Variants in SFTA2 observed in about 807,000 individuals in gnomAD.
The protein encoded by SFTA2 is surfactant-associated protein 2.
A neutral mutation model predicts 6.0 loss-of-function variants in SFTA2; 3 were observed. That is an observed-to-expected ratio of 0.50 (90% CI 0.23 to 1.28). The LOEUF (loss-of-function observed/expected upper bound fraction) is 1.28, where lower values mean the gene tolerates loss of function less well. Ranked by LOEUF, SFTA2 falls within the 50% of genes most tolerant of loss-of-function variation. The pLI, the probability that SFTA2 is intolerant of heterozygous loss-of-function variation, is 0.19. For synonymous variants in SFTA2, 40 were observed against 39.3 expected (o/e 1.02, Z -0.07); for missense variants, 87 against 88.5 (o/e 0.98, Z 0.07).
chr6:30,931,594 G>A lies in SFTA2; in HGVS notation c.151-20C>T. 2 of 1,608,504 alleles carry A rather than the reference G, an allele frequency of 1.2e-6. No homozygotes were observed. Among genetic ancestry groups the A allele is most frequent in the Non-Finnish European group, 1.7e-6 (2 of 1,177,154 alleles). ...GCAGAGCTGGGAACAAAGGGTTAAA[G>A]GGCGCCATGTAAGAGAGCTCTCCAT... On this transcript the variant is annotated intron_variant, in intron 2 of 2. Coordinates refer to ENST00000359086, the MANE Select transcript of SFTA2 (RefSeq NM_205854.3).
intron 2 of SFTA2, 39 bp downstream of exon 2, chr6:30,931,668 C>A (rs1410998358): frequency 6.2e-7 from 1 of 1,612,186 alleles, no homozygotes; most frequent in Non-Finnish European, 8.5e-7. Context: ...AACTGACTCA[C>A]AAACACACAG....
chr6:30,931,734 C>G lies in SFTA2; in HGVS notation c.123G>C (p.Glu41Asp). 1 of 1,613,154 alleles carries G rather than the reference C, an allele frequency of 6.2e-7. No individual in the cohort carries two copies. Among genetic ancestry groups the G allele is most frequent in the Middle Eastern group, 1.6e-4 (1 of 6,062 alleles). Reference sequence around the variant, plus strand: ...TTTCAAGCAATTCCAGGAAGCTGGACTCATAGGAGGAATTTGTCAGAAAAG... The same window carrying G: ...TTTCAAGCAATTCCAGGAAGCTGGAGTCATAGGAGGAATTTGTCAGAAAAG... ...KESFLTNSSY[E>D]SSFLELLEKL... Residue 41 changes from glutamate to aspartate, a missense_variant, in exon 2 of 3, where the codon GAG becomes GAC. Coordinates refer to ENST00000359086, the MANE Select transcript of SFTA2 (RefSeq NM_205854.3).
intron 1 of SFTA2, 25 bp from the exon 2 acceptor site, chr6:30,931,820 G>A: frequency 6.2e-7 from 1 of 1,611,810 alleles, no homozygotes; most frequent in Non-Finnish European, 8.5e-7. Flanking sequence ...GTACAGCTTA[G>A]GACCCAGCAG....
chr6:30,932,064 C>G lies in SFTA2; in HGVS notation c.33G>C (p.Leu11Phe), dbSNP rs138539948. 3.3e-5 allele frequency: 54 copies of G among 1,612,446 alleles called. No homozygotes were observed. The highest frequency in any genetic ancestry group is 4.2e-5 in the Non-Finnish European group (50 of 1,179,906). Residue 11 changes from leucine to phenylalanine, a missense_variant, in exon 1 of 3, where the codon TTG (leucine) becomes TTC (phenylalanine). Physicochemically the swap from Leu to Phe is conservative, Grantham distance 22 (BLOSUM62 0). Transcript: ENST00000359086. This position sits in a 1 kb window ranked among gnomAD's most constrained non-coding sequence, Gnocchi z 6.5. The stretch of plus-strand genomic sequence containing the variant: ...TTCCATGTGAGCTGCCAAGGAGGGT[C>G]AAGAGGAGGACAAGGGGCAGCCCAG... MGSGLPLVLL[L>F]TLLGSSHGTG...
intron 1 of SFTA2, 29 bp from the exon 2 acceptor site, chr6:30,931,824 C>G (rs1303842654): frequency 6.2e-7 from 1 of 1,610,876 alleles, no homozygotes; most frequent in Non-Finnish European, 8.5e-7. Flanking sequence ...AGCTTAGGAC[C>G]CAGCAGTCAG....
At chr6:30,931,617 C>T (rs764369908) in intron 2 of SFTA2, 43 bp from the exon 3 acceptor site, 3 of 1,606,946 alleles carry the variant, frequency 1.9e-6, no homozygotes, top group East Asian at 2.2e-5. Flanking sequence ...GAGAGCTCTC[C>T]ATTCCCACCA....
At chr6:30,931,980 T>A in intron 1 of SFTA2, 56 bp downstream of exon 1, 1 of 1,595,784 alleles carries the variant, frequency 6.3e-7, no homozygotes, top group Non-Finnish European at 8.5e-7. Flanking sequence ...TCCCACCCCT[T>A]TTCTCTGGCC....
rs1420191080 is a variant in SFTA2 at position 30,932,170 on chromosome 6, C to A, written c.-74G>T. On this transcript the variant is annotated 5_prime_UTR_variant, in exon 1 of 3. Coordinates refer to ENST00000359086, the MANE Select transcript of SFTA2 (RefSeq NM_205854.3). This position sits in a 1 kb window ranked among gnomAD's most constrained non-coding sequence, Gnocchi z 6.5. ...CCTCTCCTTAACAGGCCTGTTTCTACACCCCACTCAAGCCTTAGCATAAGT... is the reference window on the plus strand; with the variant it reads ...CCTCTCCTTAACAGGCCTGTTTCTAAACCCCACTCAAGCCTTAGCATAAGT... 25 of 1,457,930 alleles carry A rather than the reference C, an allele frequency of 1.7e-5. No homozygotes were observed. Among genetic ancestry groups the A allele is most frequent in the East Asian group, 2.4e-5 (1 of 42,482 alleles). 90.3% of individuals were successfully genotyped at this position (1,457,930 alleles called of 1,614,324 possible).
Position 30,931,576 on chromosome 6 carries a change from T to TG in SFTA2, c.151-3dup, listed in dbSNP as rs1562472082. The TG allele has an allele frequency of 6.2e-7, 1 of 1,609,358 alleles. No homozygotes were observed. Among genetic ancestry groups the TG allele is most frequent in the Admixed American group, 1.7e-5 (1 of 59,744 alleles). The stretch of plus-strand genomic sequence containing the variant: ...AGGGAGATGGAGGAGGAGGCAGAGC[T>TG]GGGAACAAAGGGTTAAAGGGCGCCA... On this transcript the variant is annotated splice_region_variant and splice_polypyrimidine_tract_variant and intron_variant, in intron 2 of 2. Coordinates refer to ENST00000359086, the MANE Select transcript of SFTA2 (RefSeq NM_205854.3).
chr6:30,931,898 C>T (rs1323176984), intron 1 of SFTA2, 103 bp from the exon 2 acceptor site: 6 of 1,539,428 alleles, frequency 3.9e-6, no homozygotes, highest in Admixed American at 1.8e-5. Context: ...TCCTCTTCCC[C>T]AGCAATGCCC....
At chr6:30,931,935 C>T (rs894460064) in intron 1 of SFTA2, 101 bp downstream of exon 1, 1 of 1,542,294 alleles carries the variant, frequency 6.5e-7, no homozygotes, top group Admixed American at 1.8e-5. Flanking sequence ...AAGCTCAGGA[C>T]TGGGGTGTCT....
intron 2 of SFTA2, 55 bp from the exon 3 acceptor site, chr6:30,931,629 G>A (rs1024181389): frequency 1.3e-5 from 21 of 1,606,928 alleles, no homozygotes; most frequent in African/African-American, 2.7e-5. Flanking sequence ...TTCCCACCAC[G>A]GAGACATCCA....
chr6:30,931,452 A>T lies in SFTA2; in HGVS notation c.*36T>A. 6.6e-7 allele frequency: 1 copy of T among 1,523,822 alleles called. No homozygotes were observed. Among genetic ancestry groups the T allele is most frequent in the Non-Finnish European group, 8.8e-7 (1 of 1,133,536 alleles). The allele number at this position is 1,523,822 out of a possible 1,614,324, so 94.4% of individuals were successfully genotyped here. A position where few individuals can be genotyped will look rare whatever the true frequency, so the allele number is the denominator to read the frequency against. On this transcript the variant is annotated 3_prime_UTR_variant, in exon 3 of 3. Transcript: ENST00000359086. ...CTGCCTCCTGCATCCCCGGCCCAAA[A>T]GCCCGGGCCAAGAAGGACACAGGCT...
In SFTA2 at chr6:30,931,497, G is replaced by C; in HGVS notation, c.228C>G (p.Cys76Trp). ...HHARSQHHVV[C>W]NT ...CAGGCTTCAATGGCTGTCATGTGTT[G>C]CAGACAACATGGTGTTGAGATCTTG... Residue 76 changes from cysteine to tryptophan, a missense_variant, in exon 3 of 3, where the codon TGC (cysteine) becomes TGG (tryptophan). Cys to Trp is a radical substitution (Grantham distance 215, BLOSUM62 -2). Coordinates refer to ENST00000359086, the MANE Select transcript of SFTA2 (RefSeq NM_205854.3). 1 of 1,587,644 alleles carries C rather than the reference G, an allele frequency of 6.3e-7. No individual in the cohort carries two copies. The highest frequency in any genetic ancestry group is 8.6e-7 in the Non-Finnish European group (1 of 1,166,284).
rs1582220648 is a variant in SFTA2, at chr6:30,931,396, G to C, written c.*92C>G. On this transcript the variant is annotated 3_prime_UTR_variant, in exon 3 of 3. Transcript: ENST00000359086. ...ATTTTATTTATTGCCGCTCAGGAGG[G>C]TGGGGGCCTGCTGAAAGACAGGGTC... is the stretch of plus-strand genomic sequence containing the variant. The C allele has an allele frequency of 6.4e-6, 8 of 1,246,418 alleles. No individual in the cohort carries two copies. In the East Asian group the frequency reaches 1.9e-4, roughly 30 times the overall value. 77.2% of individuals were successfully genotyped at this position (1,246,418 alleles called of 1,614,324 possible).
chr6:30,931,964 A>G, intron 1 of SFTA2, 72 bp downstream of exon 1: 1 of 1,572,784 alleles, frequency 6.4e-7, no homozygotes. Flanking sequence ...CTCAGGGACC[A>G]TGAAGTCCCA....
At chr6:30,931,599 C>G (rs563425157) in intron 2 of SFTA2, 25 bp from the exon 3 acceptor site, 15 of 1,606,392 alleles carry the variant, frequency 9.3e-6, no homozygotes, top group African/African-American at 1.3e-5. Context: ...TTAAAGGGCG[C>G]CATGTAAGAG....
At position 30,931,355 on chromosome 6, in the gene SFTA2, G is replaced by A; in HGVS notation, c.*133C>T. The A allele has an allele frequency of 1.2e-6, 1 of 842,586 alleles. No individual in the cohort carries two copies. The highest frequency in any genetic ancestry group is 1.8e-6 in the Non-Finnish European group (1 of 559,824). The allele number at this position is 842,586 out of a possible 1,614,324, so 52.2% of individuals were successfully genotyped here. On this transcript the variant is annotated 3_prime_UTR_variant, in exon 3 of 3. Coordinates refer to ENST00000359086, the MANE Select transcript of SFTA2 (RefSeq NM_205854.3). Reference sequence around the variant, plus strand: ...GACCCACAGAGTCAAGCAAGTTATTGAATTCAGCATACCGAATTTTATTTA... The same window carrying A: ...GACCCACAGAGTCAAGCAAGTTATTAAATTCAGCATACCGAATTTTATTTA...
At position 30,932,077 on chromosome 6, in the gene SFTA2, AG is replaced by A. The variant is rs775613210; in HGVS notation, c.19del (p.Val8SerfsTer4). MGSGLPLVLLLTLLGSS... is the reference protein window; with the variant it reads MGSGLPXVLLLTLLGSS... ...GCCAAGGAGGGTCAAGAGGAGGACA[AG>A]GGGCAGCCCAGACCCCATAGTGGCC... is the stretch of plus-strand genomic sequence containing the variant. On this transcript the variant is annotated frameshift_variant, in exon 1 of 3. Transcript: ENST00000359086. LOFTEE classifies it high-confidence loss of function. This position sits in a 1 kb window ranked among gnomAD's most constrained non-coding sequence, Gnocchi z 6.5. 5.6e-6 allele frequency: 9 copies of A among 1,612,612 alleles called. No individual in the cohort carries two copies. The South Asian group carries it at 9.9e-5, about 18-fold the overall frequency.
Sources: allele counts gnomAD v4.1 joint callset, GRCh38; gene constraint gnomAD v4.1.1; non-coding constraint Gnocchi (gnomAD v3.1); transcripts MANE v1.5; gene names NCBI Gene and HGNC (gene_info 2026-07-23, HGNC 2026-07-21).